The following COL4A1 variants were observed in gnomAD, a reference collection of about 807,000 sequenced individuals.
The protein encoded by COL4A1 is collagen alpha-1(IV) chain.
COL4A1 carries 40 observed loss-of-function variants against 216.6 expected under a neutral mutation model. That is an observed-to-expected ratio of 0.18 (90% CI 0.14 to 0.24). The LOEUF is 0.24. Ranked by LOEUF, COL4A1 falls within the 10% of genes least tolerant of loss-of-function variation. The probability of loss-of-function intolerance (pLI) is 1.00; values close to 1 mark genes in which losing one functional copy is unlikely to be tolerated. For synonymous variants in COL4A1, 839 were observed against 810.7 expected, an observed-to-expected ratio of 1.03 and a Z score of -0.59; for missense variants, 1,628 against 2,196.8, an observed-to-expected ratio of 0.74 and a Z score of 5.18.
intron 18 of COL4A1, among the ~76,000 whole-genome samples, chr13:110,201,906 C>A (rs887982085): frequency 6.6e-6 from 1 of 152,154 alleles, no homozygotes; most frequent in South Asian, 2.1e-4. Flanking sequence ...CGCTCGAACC[C>A]AGGAGGTGGA....
intron 2 of COL4A1, among the ~76,000 whole-genome samples, chr13:110,228,201 A>G (rs889640641): frequency 4.2e-5 from 6 of 141,194 alleles, no homozygotes; most frequent in Non-Finnish European, 7.7e-5. Context: ...CCCGCTATCA[A>G]GCACAGGATG....
chr13:110,212,747 C>T, intron 4 of COL4A1, 129 bp from the exon 5 acceptor site: 3 of 1,072,464 alleles, frequency 2.8e-6, no homozygotes, highest in Non-Finnish European at 2.8e-6. Flanking sequence ...GCAGACAGAG[C>T]ACTCTGCACA....
chr13:110,186,064 G>A (rs554374408), intron 26 of COL4A1, among the ~76,000 whole-genome samples: 6 of 152,326 alleles, frequency 3.9e-5, no homozygotes, highest in African/African-American at 7.2e-5. Flanking sequence ...AAAGCCAAAT[G>A]GGTAAGGAGA....
intron 24 of COL4A1, among the ~76,000 whole-genome samples, chr13:110,188,874 T>C (rs1004655981): frequency 6.6e-6 from 1 of 152,102 alleles, no homozygotes; most frequent in African/African-American, 2.4e-5. Context: ...CCATCTTCCA[T>C]ACCAACCACG....
intron 28 of COL4A1, 104 bp from the exon 29 acceptor site, chr13:110,181,493 G>T: frequency 1.7e-6 from 2 of 1,184,024 alleles, no homozygotes; most frequent in Non-Finnish European, 2.4e-6. Flanking sequence ...ATGCCGACCT[G>T]ATCTGAGAAG....
At chr13:110,177,550 C>T (rs1052951712) in intron 33 of COL4A1, among the ~76,000 whole-genome samples, 2 of 152,194 alleles carry the variant, frequency 1.3e-5, no homozygotes, top group Non-Finnish European at 2.9e-5. Context: ...GTCCCTGTAT[C>T]TTGGCATGGC....
intron 1 of COL4A1, among the ~76,000 whole-genome samples, chr13:110,297,279 G>A (rs909097592): frequency 1.3e-5 from 2 of 152,066 alleles, no homozygotes; most frequent in Non-Finnish European, 2.9e-5. Flanking sequence ...TTATCACTTC[G>A]GATTCCAAGA....
Position 110,272,715 on chromosome 13 carries a change from T to C in COL4A1, c.85-29981A>G, listed in dbSNP as rs187151453. On this transcript the variant is annotated intron_variant, in intron 1 of 51. Transcript: ENST00000375820. ...ACTTCCTATTTGCCTAATCCTTTTC[T>C]TGCCAACAGTAAGGTAAGATGTCAA... is the stretch of plus-strand genomic sequence containing the variant. 3.3e-4 allele frequency among the ~76,000 whole-genome samples: 50 copies of C among 152,362 alleles called. No individual in the cohort carries two copies. The East Asian group carries it at 9.1e-3, about 28-fold the overall frequency.
chr13:110,259,418 A>G (rs1287619959), intron 1 of COL4A1, among the ~76,000 whole-genome samples: 10 of 152,236 alleles, frequency 6.6e-5, no homozygotes, highest in African/African-American at 2.2e-4. Flanking sequence ...AAAATTTTTA[A>G]GCGTGTCTAC....
intron 1 of COL4A1, among the ~76,000 whole-genome samples, chr13:110,273,565 C>T (rs1223658251): frequency 1.3e-5 from 2 of 152,186 alleles, no homozygotes; most frequent in African/African-American, 2.4e-5. Flanking sequence ...AACTCAGATC[C>T]TACAGTTAAC....
At chr13:110,290,868 C>T (rs774617143) in intron 1 of COL4A1, among the ~76,000 whole-genome samples, 6 of 152,200 alleles carry the variant, frequency 3.9e-5, no homozygotes, top group Non-Finnish European at 8.8e-5. Flanking sequence ...CTGCCGGTGA[C>T]GCTGGGCACT....
intron 18 of COL4A1, chr13:110,201,811 G>A (rs763041242): frequency 1.1e-4 from 57 of 539,248 alleles, no homozygotes; most frequent in South Asian, 6.7e-4. Context: ...GTGAAACCCC[G>A]ACTCTACTAA....
intron 1 of COL4A1, among the ~76,000 whole-genome samples, chr13:110,299,309 A>C (rs925039542): frequency 6.6e-6 from 1 of 152,120 alleles, no homozygotes; most frequent in African/African-American, 2.4e-5. Context: ...CCAAAAACAG[A>C]AGCTCTGGAG....
chr13:110,167,340 C>T, intron 43 of COL4A1, 110 bp from the exon 44 acceptor site: 8 of 836,826 alleles, frequency 9.6e-6, no homozygotes, highest in Admixed American at 3.4e-5. Context: ...CTGGAAAGCA[C>T]ATTTGTGAAC....
rs1566415551 is a variant in COL4A1 at position 110,252,461 on chromosome 13, CATATAATT to C, written c.85-9735_85-9728del. Among the ~76,000 whole-genome samples the C allele has an allele frequency of 6.4e-4, 17 of 26,504 alleles. 1 individual carries two copies. The highest frequency in any genetic ancestry group is 2.2e-3 in the African/African-American group (17 of 7,824). The allele number at this position is 26,504 out of a possible 152,430, so 17.4% of individuals were successfully genotyped here. On this transcript the variant is annotated intron_variant, in intron 1 of 51. Transcript: ENST00000375820. ...TAATTATACGTATATGTATTATATA[CATATAATT>C]ATATGTATTATATATACGTATAATT...
intron 1 of COL4A1, among the ~76,000 whole-genome samples, chr13:110,243,198 C>T (rs992154755): frequency 3.3e-5 from 5 of 152,116 alleles, no homozygotes; most frequent in Non-Finnish European, 7.4e-5. Flanking sequence ...AAAGTTTGTA[C>T]AGAACAGAAT....
chr13:110,233,793 C>A (rs755184088), intron 2 of COL4A1, among the ~76,000 whole-genome samples: 4 of 152,202 alleles, frequency 2.6e-5, no homozygotes, highest in Non-Finnish European at 5.9e-5. Flanking sequence ...CCAAAAGCAT[C>A]CAAAAGCTAC....
At chr13:110,239,151 C>G (rs1434632750) in intron 2 of COL4A1, among the ~76,000 whole-genome samples, 1 of 152,146 alleles carries the variant, frequency 6.6e-6, no homozygotes, top group Non-Finnish European at 1.5e-5. Flanking sequence ...GAACTCAGAT[C>G]AAGCTATCTA....
chr13:110,302,830 T>C (rs753070096), intron 1 of COL4A1, among the ~76,000 whole-genome samples: 8 of 152,242 alleles, frequency 5.3e-5, no homozygotes, highest in African/African-American at 1.7e-4. Flanking sequence ...GGAAGAACAA[T>C]GCTCTAACAT....
Sources: gnomAD v4.1 joint callset for allele counts (sites outside exome capture counted in the v4.1 genomes callset) on GRCh38, gnomAD v4.1.1 for gene constraint, MANE v1.5 for transcripts, NCBI Gene and HGNC (gene_info 2026-07-23, HGNC 2026-07-21) for gene names.